Variants in SRP72 observed in about 807,000 individuals in gnomAD.
SRP72 encodes signal recognition particle subunit SRP72.
SRP72 carries 49 observed loss-of-function variants against 96.3 expected under a neutral mutation model. The observed-to-expected ratio is 0.51, with a 90% CI of 0.40 to 0.65. SRP72 has a LOEUF of 0.65. SRP72 is among the 30% of genes least tolerant of loss of function. The pLI is 0.00. For missense variants in SRP72, 736 were observed against 793.3 expected (o/e 0.93, Z 0.87); for synonymous variants, 267 against 275.2 (o/e 0.97, Z 0.30).
In SRP72 at chr4:56,486,255, T is replaced by A. The variant is rs184057584; in HGVS notation, c.1087-70T>A. The A allele has an allele frequency of 2.6e-3, 2,813 of 1,081,922 alleles. 15 individuals are homozygous for A. The highest frequency in any genetic ancestry group is 1.9e-3 in the Non-Finnish European group (1,444 of 760,358). The allele number at this position is 1,081,922 out of a possible 1,614,324, so 67.0% of individuals were successfully genotyped here. On this transcript the variant is annotated intron_variant, in intron 10 of 18. Coordinates refer to ENST00000642900, the MANE Select transcript of SRP72 (RefSeq NM_006947.4). Reference sequence around the variant, plus strand: ...GGATTTAAAATCTTATGTAGCTAAGTAATTGTAATGTATACAATTAGTTGT... The same window carrying A: ...GGATTTAAAATCTTATGTAGCTAAGAAATTGTAATGTATACAATTAGTTGT...
intron 18 of SRP72, 59 bp downstream of exon 18, chr4:56,500,754 C>G (rs770159229): frequency 6.7e-7 from 1 of 1,489,944 alleles, no homozygotes; most frequent in Non-Finnish European, 9.1e-7. Context: ...TAGATTGACT[C>G]AAGGCTATTA....
intron 9 of SRP72, among the ~76,000 whole-genome samples, chr4:56,483,491 A>G (rs1236416862): frequency 1.3e-5 from 2 of 152,046 alleles, no homozygotes; most frequent in Non-Finnish European, 2.9e-5. Flanking sequence ...AGTGGGCGGA[A>G]TGCCTGAGTT....
chr4:56,495,880 CTT>C (rs1428035447), intron 17 of SRP72, among the ~76,000 whole-genome samples: 1 of 152,200 alleles, frequency 6.6e-6, no homozygotes, highest in African/African-American at 2.4e-5. Flanking sequence ...ATTTTTACCT[CTT>C]TGTTCTGCTC....
intron 17 of SRP72, among the ~76,000 whole-genome samples, chr4:56,499,725 G>A (rs1422727649): frequency 6.6e-6 from 1 of 152,194 alleles, no homozygotes; most frequent in African/African-American, 2.4e-5. Flanking sequence ...ACAGATGCTG[G>A]AGAGGATGTG....
In SRP72 at chr4:56,502,049, C is replaced by T. The variant is rs1301680355; in HGVS notation, c.*188C>T. On this transcript the variant is annotated 3_prime_UTR_variant, in exon 19 of 19. Coordinates refer to ENST00000642900, the MANE Select transcript of SRP72 (RefSeq NM_006947.4). ...TAGTGAGATATGGCCTACTGGTTGC[C>T]TCATAGCTTTGTACAGATTATGAGG... The T allele has an allele frequency of 1.6e-6, 1 of 621,956 alleles. No individual in the cohort carries two copies. The highest frequency in any genetic ancestry group is 1.9e-5 in the African/African-American group (1 of 53,896). 38.5% of individuals were successfully genotyped at this position (621,956 alleles called of 1,614,324 possible). A position where few individuals can be genotyped will look rare whatever the true frequency, so the allele number is the denominator to read the frequency against.
intron 17 of SRP72, among the ~76,000 whole-genome samples, chr4:56,500,212 G>A (rs1314116326): frequency 6.6e-6 from 1 of 151,958 alleles, no homozygotes; most frequent in Non-Finnish European, 1.5e-5. Flanking sequence ...CAGGCCTGTC[G>A]GGGGGCGGTG....
chr4:56,481,285 A>T (rs1052654434), intron 8 of SRP72, among the ~76,000 whole-genome samples: 5 of 152,206 alleles, frequency 3.3e-5, no homozygotes, highest in African/African-American at 1.2e-4. Flanking sequence ...GGTTTAAAAA[A>T]GCACAGTGGT....
intron 16 of SRP72, among the ~76,000 whole-genome samples, chr4:56,491,982 C>A (rs991118694): frequency 6.6e-6 from 1 of 152,132 alleles, no homozygotes; most frequent in African/African-American, 2.4e-5. Flanking sequence ...CTCAGCCTCC[C>A]GAGTAGCTGG....
rs1721188064 is a variant in SRP72, at chr4:56,499,539, C to T, written c.1679-997C>T. Among the ~76,000 whole-genome samples the T allele has an allele frequency of 2.0e-5, 3 of 151,938 alleles. No homozygotes were observed. The South Asian group carries it at 6.2e-4, about 32-fold the overall frequency. On this transcript the variant is annotated intron_variant, in intron 17 of 18. Coordinates refer to ENST00000642900, the MANE Select transcript of SRP72 (RefSeq NM_006947.4). Reference sequence around the variant, plus strand: ...TCAACAAATTTACAAGAAAAAACCCCATCAAAAAGTGGGCAAAGGATATGA... The same window carrying T: ...TCAACAAATTTACAAGAAAAAACCCTATCAAAAAGTGGGCAAAGGATATGA...
intron 6 of SRP72, chr4:56,476,999 G>A (rs1720251153): frequency 3.3e-6 from 1 of 299,148 alleles, no homozygotes; most frequent in African/African-American, 2.2e-5. Context: ...TCTGCTCCTA[G>A]GAGTTCCATG....
At chr4:56,471,647 A>G (rs1180556417) in intron 2 of SRP72, 73 bp from the exon 3 acceptor site, 5 of 1,536,902 alleles carry the variant, frequency 3.3e-6, no homozygotes, top group Non-Finnish European at 4.4e-6. Flanking sequence ...CAGTGTTTAG[A>G]GTGGTGTTGT....
rs779812008 is a variant in SRP72, at chr4:56,474,100, A to C, written c.401A>C (p.Asp134Ala). The C allele has an allele frequency of 6.2e-7, 1 of 1,614,096 alleles. No individual in the cohort carries two copies. Among genetic ancestry groups the C allele is most frequent in the East Asian group, 2.2e-5 (1 of 44,878 alleles). ...GATGAATGCTTAGCAGTGTATAGAG[A>C]TCTCGTCCGAAACTCCCAAGATGAT... ...RYDECLAVYR[D>A]LVRNSQDDYD... Residue 134 changes from aspartate (D) to alanine (A), a missense_variant, in exon 4 of 19, where the codon GAT becomes GCT. Asp to Ala is a moderately radical substitution (Grantham distance 126). Transcript: ENST00000642900.
chr4:56,480,643 T>TGAACA (rs1224854205), intron 8 of SRP72, among the ~76,000 whole-genome samples: 1 of 152,218 alleles, frequency 6.6e-6, no homozygotes, highest in African/African-American at 2.4e-5. Context: ...TGAACATAAC[T>TGAACA]TATACACTGA....
chr4:56,485,520 G>T (rs1450238100), intron 10 of SRP72, among the ~76,000 whole-genome samples: 1 of 151,992 alleles, frequency 6.6e-6, no homozygotes, highest in Non-Finnish European at 1.5e-5. Context: ...TGTGGGGGTC[G>T]CCAGGCGTAG....
At position 56,474,130 on chromosome 4, in the gene SRP72, A is replaced by T; in HGVS notation, c.431A>T (p.Asp144Val). Reference protein sequence around the residue: ...DLVRNSQDDYDEERKTNLSAV... With the variant: ...DLVRNSQDDYVEERKTNLSAV... ...GTCCGAAACTCCCAAGATGATTATG[A>T]TGAGGAGAGGAAAACAAACCTTTCA... is the stretch of plus-strand genomic sequence containing the variant. The change falls in exon 4 of 19, where the codon GAT (aspartate) becomes GTT (valine). Residue 144 changes from aspartate to valine, a missense_variant. Transcript: ENST00000642900. 1 of 1,614,228 alleles carries T rather than the reference A, an allele frequency of 6.2e-7. No individual in the cohort carries two copies. The highest frequency in any genetic ancestry group is 8.5e-7 in the Non-Finnish European group (1 of 1,180,040).
intron 17 of SRP72, among the ~76,000 whole-genome samples, chr4:56,500,131 G>A (rs975055176): frequency 6.6e-6 from 1 of 152,006 alleles, no homozygotes; most frequent in African/African-American, 2.4e-5. Flanking sequence ...ACCAAACACC[G>A]CGTGTTCTCA....
At chr4:56,470,515 G>T (rs1391196318) in intron 2 of SRP72, among the ~76,000 whole-genome samples, 1 of 150,698 alleles carries the variant, frequency 6.6e-6, no homozygotes, top group African/African-American at 2.4e-5. Context: ...ACTCCAGCCT[G>T]GGTGACGGGG....
chr4:56,484,026 A>ATTTTTTTT (rs539665243), intron 9 of SRP72, among the ~76,000 whole-genome samples: 2,654 of 86,474 alleles, frequency 0.031, 354 homozygotes, highest in East Asian at 0.085. Flanking sequence ...AGAAGCAGTA[A>ATTTTTTTT]TTTTTTTTTT....
Position 56,491,864 on chromosome 4 carries a change from ATTTG to A in SRP72, c.1640+307_1640+310del, listed in dbSNP as rs111650411. On this transcript the variant is annotated intron_variant, in intron 16 of 18. Coordinates refer to ENST00000642900, the MANE Select transcript of SRP72 (RefSeq NM_006947.4). Reference sequence around the variant, plus strand: ...GTTTATTTATTACTATTTTTTTTTTATTTGTTTGTTTGTTGAGACAGAGTCTTGC... The same window carrying A: ...GTTTATTTATTACTATTTTTTTTTTATTTGTTTGTTGAGACAGAGTCTTGC... Among the ~76,000 whole-genome samples, 274 of 149,108 alleles carry A rather than the reference ATTTG, an allele frequency of 1.8e-3. 10 individuals carry two copies. The South Asian group carries it at 0.039, about 21-fold the overall frequency.
Sources: gnomAD v4.1 joint callset for allele counts (sites outside exome capture counted in the v4.1 genomes callset) on GRCh38, gnomAD v4.1.1 for gene constraint, MANE v1.5 for transcripts, NCBI Gene and HGNC (gene_info 2026-07-23, HGNC 2026-07-21) for gene names.